The following CHST11 variants were observed in gnomAD, a reference collection of about 807,000 sequenced individuals.
The protein encoded by CHST11 is carbohydrate sulfotransferase 11.
A neutral mutation model predicts 30.4 loss-of-function variants in CHST11; 9 were observed. That is an observed-to-expected ratio of 0.30 (90% CI 0.18 to 0.52). The LOEUF is 0.52. CHST11 is among the 20% of genes least tolerant of loss of function. The pLI, the probability that CHST11 is intolerant of heterozygous loss-of-function variation, is 0.97. For synonymous variants in CHST11, 152 were observed against 187.8 expected, an observed-to-expected ratio of 0.81 and a Z score of 1.56; for missense variants, 348 against 460.6, an observed-to-expected ratio of 0.76 and a Z score of 2.24.
chr12:104,747,846 CTGTT>C (rs2040400449), intron 2 of CHST11, among the ~76,000 whole-genome samples: 1 of 152,244 alleles, frequency 6.6e-6, no homozygotes, highest in East Asian at 1.9e-4. Flanking sequence ...TCTCTTCCTC[CTGTT>C]TGGGTTCTTG....
intron 2 of CHST11, among the ~76,000 whole-genome samples, chr12:104,700,599 G>A (rs995820147): frequency 2.0e-5 from 3 of 152,176 alleles, no homozygotes; most frequent in Non-Finnish European, 2.9e-5. Flanking sequence ...AGATGGGAGG[G>A]TTATAGGTGA....
intron 2 of CHST11, among the ~76,000 whole-genome samples, chr12:104,710,650 G>A (rs2136120153): frequency 6.6e-6 from 1 of 152,304 alleles, no homozygotes. Context: ...TTTGATGTTA[G>A]TTAGCAGTAA....
intron 2 of CHST11, among the ~76,000 whole-genome samples, chr12:104,742,555 C>T (rs1460546328): frequency 1.3e-5 from 2 of 152,236 alleles, no homozygotes; most frequent in African/African-American, 4.8e-5. Context: ...ACCGTTGTTC[C>T]TGTTCCGGGC....
At chr12:104,716,273 C>A (rs760090481) in intron 2 of CHST11, among the ~76,000 whole-genome samples, 1 of 152,202 alleles carries the variant, frequency 6.6e-6, no homozygotes, top group Non-Finnish European at 1.5e-5. Flanking sequence ...GGCCCCCATC[C>A]CTTGTCATTT....
rs2039745772 is a variant in CHST11, at chr12:104,676,691, C to T, written c.204+74700C>T. On this transcript the variant is annotated intron_variant, in intron 2 of 2. Coordinates refer to ENST00000303694, the MANE Select transcript of CHST11 (RefSeq NM_018413.6). The surrounding 1 kb of genome is among the most constrained non-coding windows in gnomAD (Gnocchi z 4.4). ...GTGTTGGGATTACAGGCATGAGCCA[C>T]TGCACCCGGCCTCCCTGCCTCCTTT... 6.6e-6 allele frequency among the ~76,000 whole-genome samples: 1 copy of T among 152,244 alleles called. No homozygotes were observed. Among genetic ancestry groups the T allele is most frequent in the Non-Finnish European group, 1.5e-5 (1 of 68,034 alleles).
chr12:104,643,082 G>C (rs1007743046), intron 2 of CHST11, among the ~76,000 whole-genome samples: 2 of 152,196 alleles, frequency 1.3e-5, no homozygotes, highest in African/African-American at 4.8e-5. Context: ...CCAGCACTTT[G>C]GGAGGCTGAG....
intron 2 of CHST11, among the ~76,000 whole-genome samples, chr12:104,695,602 A>G (rs969917186): frequency 3.3e-5 from 5 of 152,170 alleles, no homozygotes; most frequent in African/African-American, 1.2e-4. Flanking sequence ...AGACATTTCT[A>G]TCTTACCTCA....
intron 2 of CHST11, among the ~76,000 whole-genome samples, chr12:104,680,607 G>T (rs1294986424): frequency 1.3e-5 from 2 of 152,198 alleles, no homozygotes; most frequent in African/African-American, 4.8e-5. Context: ...TCTGCTTATT[G>T]GGTCAGTGAT....
At position 104,601,918 on chromosome 12, in the gene CHST11, A is replaced by G. The variant is rs1177107880; in HGVS notation, c.131A>G (p.Asn44Ser). 6.2e-7 allele frequency: 1 copy of G among 1,613,732 alleles called. No homozygotes were observed. Among genetic ancestry groups the G allele is most frequent in the Non-Finnish European group, 8.5e-7 (1 of 1,179,804 alleles). The stretch of plus-strand genomic sequence containing the variant: ...TTTCTTTCCTCAGTCATGCGGAGGA[A>G]TCCCTTTGGTGTGGACATCTGCTGC... ...QSMLHPVMRR[N>S]PFGVDICCRK... The change falls in exon 2 of 3, where the codon AAT becomes AGT. Residue 44 changes from asparagine to serine, a missense_variant. Physicochemically the swap from Asn to Ser is conservative, Grantham distance 46. Transcript: ENST00000303694.
At chr12:104,726,754 A>G (rs2136130043) in intron 2 of CHST11, among the ~76,000 whole-genome samples, 1 of 152,314 alleles carries the variant, frequency 6.6e-6, no homozygotes, top group South Asian at 2.1e-4. Flanking sequence ...TTCCTCAAAA[A>G]TATCCCCGAC....
chr12:104,500,886 A>T, intron 1 of CHST11, among the ~76,000 whole-genome samples: 1 of 152,104 alleles, frequency 6.6e-6, no homozygotes, highest in East Asian at 1.9e-4. Flanking sequence ...TTAGGGAGTA[A>T]ACTGGGAGGA....
intron 2 of CHST11, 93 bp downstream of exon 2, chr12:104,602,084 A>T (rs947817851): frequency 4.5e-6 from 4 of 892,352 alleles, no homozygotes; most frequent in Admixed American, 2.2e-5. Flanking sequence ...GGGGGATTTA[A>T]AACTTCCTTT....
intron 2 of CHST11, among the ~76,000 whole-genome samples, chr12:104,728,342 A>G (rs969958797): frequency 2.0e-5 from 3 of 152,170 alleles, no homozygotes; most frequent in African/African-American, 7.2e-5. Flanking sequence ...GGAAACAGAA[A>G]TTTGGATGCG....
intron 2 of CHST11, among the ~76,000 whole-genome samples, chr12:104,630,157 G>A (rs1290986759): frequency 2.6e-5 from 4 of 152,172 alleles, no homozygotes; most frequent in Non-Finnish European, 4.4e-5. Flanking sequence ...TAACATAACC[G>A]TGAAGTGATA....
At chr12:104,683,727 A>G (rs1165055588) in intron 2 of CHST11, among the ~76,000 whole-genome samples, 1 of 152,178 alleles carries the variant, frequency 6.6e-6, no homozygotes, top group East Asian at 1.9e-4. Flanking sequence ...GAATTGTATC[A>G]ATTGTTACAT....
In CHST11 at chr12:104,757,326, C is replaced by A. The variant is rs766999317; in HGVS notation, c.582C>A (p.Ser194=). ...FVREPFERLV[S]AYRNKFTQKY... ...GGGAGCCCTTCGAGAGGCTAGTGTC[C>A]GCCTACCGCAACAAGTTCACCCAGA... The change falls in exon 3 of 3, where the codon TCC becomes TCA. Residue 194 remains serine, a synonymous_variant. Coordinates refer to ENST00000303694, the MANE Select transcript of CHST11 (RefSeq NM_018413.6). The surrounding 1 kb of genome is among the most constrained non-coding windows in gnomAD (Gnocchi z 6.5). The A allele has an allele frequency of 6.2e-7, 1 of 1,613,952 alleles. No homozygotes were observed. Among genetic ancestry groups the A allele is most frequent in the African/African-American group, 1.3e-5 (1 of 74,866 alleles).
At chr12:104,704,348 T>C (rs1432664277) in intron 2 of CHST11, among the ~76,000 whole-genome samples, 1 of 152,138 alleles carries the variant, frequency 6.6e-6, no homozygotes, top group Non-Finnish European at 1.5e-5. Context: ...CCTGGCTTAA[T>C]TGGGGCGGGG....
chr12:104,670,497 ACACACT>A (rs1437773237), intron 2 of CHST11, among the ~76,000 whole-genome samples: 4 of 150,106 alleles, frequency 2.7e-5, no homozygotes, highest in African/African-American at 9.9e-5. Context: ...TCACACTCAT[ACACACT>A]CACACAAACA....
chr12:104,506,813 G>A (rs546706273), intron 1 of CHST11, among the ~76,000 whole-genome samples: 6 of 152,260 alleles, frequency 3.9e-5, no homozygotes, highest in East Asian at 3.9e-4. Context: ...GCCATCATTC[G>A]TTACTTGGCT....
Sources: gnomAD v4.1 joint callset for allele counts (sites outside exome capture counted in the v4.1 genomes callset) on GRCh38, gnomAD v4.1.1 for gene constraint, Gnocchi (gnomAD v3.1) non-coding constraint, MANE v1.5 for transcripts, NCBI Gene and HGNC (gene_info 2026-07-23, HGNC 2026-07-21) for gene names.